Variants in HIVEP3 observed in about 807,000 individuals in gnomAD.
HIVEP3 encodes HIVEP zinc finger 3.
Under a neutral mutation model 152.8 loss-of-function variants are expected in HIVEP3, and 49 were observed. That is an observed-to-expected ratio of 0.32 (90% CI 0.26 to 0.41). The LOEUF (loss-of-function observed/expected upper bound fraction) is 0.41. HIVEP3 is among the 10% of genes least tolerant of loss of function. The pLI is 1.00. For missense variants in HIVEP3, 2,790 were observed against 3,103.3 expected, an observed-to-expected ratio of 0.90 and a Z score of 2.40; for synonymous variants, 1,269 against 1,289.0, an observed-to-expected ratio of 0.98 and a Z score of 0.33.
At chr1:41,924,721 A>G (rs1291292864) in intron 1 of HIVEP3, among the ~76,000 whole-genome samples, 3 of 152,206 alleles carry the variant, frequency 2.0e-5, no homozygotes, top group Non-Finnish European at 2.9e-5. Flanking sequence ...TAAAGGTTCC[A>G]TAAATGATAA....
At chr1:41,877,512 G>T (rs1644189542) in intron 1 of HIVEP3, among the ~76,000 whole-genome samples, 2 of 152,142 alleles carry the variant, frequency 1.3e-5, no homozygotes, top group South Asian at 4.1e-4. Context: ...GATTGTATTT[G>T]CAGAGTCACT....
intron 4 of HIVEP3, among the ~76,000 whole-genome samples, chr1:41,578,747 T>G (rs1195794154): frequency 6.6e-6 from 1 of 152,226 alleles, no homozygotes; most frequent in Non-Finnish European, 1.5e-5. Flanking sequence ...GTTCAACATT[T>G]GCCAGATTAT....
At chr1:41,748,485 G>A (rs1647106252) in intron 1 of HIVEP3, among the ~76,000 whole-genome samples, 1 of 152,200 alleles carries the variant, frequency 6.6e-6, no homozygotes, top group Non-Finnish European at 1.5e-5. Flanking sequence ...AAAGCAATCA[G>A]GGGGCAGCGC....
chr1:41,549,119 C>A (rs893659551), intron 5 of HIVEP3, among the ~76,000 whole-genome samples: 1 of 151,394 alleles, frequency 6.6e-6, no homozygotes, highest in East Asian at 2.0e-4. Context: ...TGAGAACATG[C>A]GGTATTTCGT....
In HIVEP3 at chr1:41,680,200, C is replaced by A. The variant is rs1307536170; in HGVS notation, c.-721+20716G>T. ...TTTCTCTACAGGTCACGTTGGCAAC[C>A]AGGCCTGACATTGGGCCACTCCTCT... is the stretch of plus-strand genomic sequence containing the variant. On this transcript the variant is annotated intron_variant, in intron 2 of 8. Coordinates refer to ENST00000372583, the MANE Select transcript of HIVEP3 (RefSeq NM_024503.5). Among the ~76,000 whole-genome samples the A allele has an allele frequency of 4.6e-5, 7 of 152,184 alleles. No homozygotes were observed. The East Asian group carries it at 1.3e-3, about 29-fold the overall frequency.
intron 5 of HIVEP3, among the ~76,000 whole-genome samples, chr1:41,560,074 C>T (rs1644035079): frequency 6.6e-6 from 1 of 152,172 alleles, no homozygotes; most frequent in Non-Finnish European, 1.5e-5. Context: ...CAGGGGGTGG[C>T]ACTATCCGGA....
In HIVEP3 at chr1:41,657,869, G is replaced by T. The variant is rs1313492243; in HGVS notation, c.-720-28922C>A. Among the ~76,000 whole-genome samples the T allele has an allele frequency of 2.0e-5, 3 of 152,320 alleles. No homozygotes were observed. The East Asian group carries it at 5.8e-4, about 29-fold the overall frequency. ...GTCGGAGCCACAGCCAAGGACAGAT[G>T]GAAATGGGAGGCAGATGGAAGGCCT... On this transcript the variant is annotated intron_variant, in intron 2 of 8. Transcript: ENST00000372583.
intron 1 of HIVEP3, among the ~76,000 whole-genome samples, chr1:41,837,667 T>C (rs1643165471): frequency 6.6e-6 from 1 of 152,202 alleles, no homozygotes; most frequent in Admixed American, 6.5e-5. Flanking sequence ...GCACCGGACA[T>C]TGCCCTGTTC....
intron 1 of HIVEP3, among the ~76,000 whole-genome samples, chr1:41,765,050 C>A (rs1415531384): frequency 6.6e-6 from 1 of 152,238 alleles, no homozygotes; most frequent in Non-Finnish European, 1.5e-5. Context: ...GAGTGCACAG[C>A]ACCATGAATT....
chr1:41,947,302 C>T (rs1211463411), intron 1 of HIVEP3, among the ~76,000 whole-genome samples: 2 of 152,218 alleles, frequency 1.3e-5, no homozygotes, highest in African/African-American at 2.4e-5. Context: ...AATTTCCTCG[C>T]CACCTGTGGC....
chr1:41,646,766 C>T (rs181263176), intron 2 of HIVEP3, among the ~76,000 whole-genome samples: 1 of 152,326 alleles, frequency 6.6e-6, no homozygotes, highest in South Asian at 2.1e-4. Context: ...GCTTCTGTAA[C>T]AAATTATCAC....
intron 1 of HIVEP3, among the ~76,000 whole-genome samples, chr1:42,005,479 G>C (rs1347859630): frequency 6.6e-6 from 1 of 151,924 alleles, no homozygotes; most frequent in African/African-American, 2.4e-5. Flanking sequence ...AAATGAGTCA[G>C]GCAAATTCCA....
At chr1:41,897,805 C>T (rs914682367) in intron 1 of HIVEP3, among the ~76,000 whole-genome samples, 1 of 152,014 alleles carries the variant, frequency 6.6e-6, no homozygotes, top group African/African-American at 2.4e-5. Flanking sequence ...GAATCTTTGT[C>T]AGGCCCCAGA....
At chr1:41,751,392 T>G (rs913479708) in intron 1 of HIVEP3, among the ~76,000 whole-genome samples, 18 of 139,510 alleles carry the variant, frequency 1.3e-4, no homozygotes, top group Admixed American at 1.2e-3. Context: ...CCTGCTAAAT[T>G]TAGCAGATGC....
intron 1 of HIVEP3, among the ~76,000 whole-genome samples, chr1:42,003,179 G>A (rs1311085026): frequency 5.9e-5 from 9 of 151,940 alleles, no homozygotes; most frequent in South Asian, 2.1e-4. Context: ...AGGTTCAAGC[G>A]ATTCTTCTTG....
chr1:41,974,891 C>G (rs747028781), intron 1 of HIVEP3, among the ~76,000 whole-genome samples: 1 of 152,090 alleles, frequency 6.6e-6, no homozygotes, highest in Non-Finnish European at 1.5e-5. Flanking sequence ...TGGTGCATGG[C>G]CATTATCTCC....
At chr1:41,635,987 A>G (rs1645267838) in intron 2 of HIVEP3, among the ~76,000 whole-genome samples, 1 of 152,244 alleles carries the variant, frequency 6.6e-6, no homozygotes, top group South Asian at 2.1e-4. Context: ...CAGAGAAAGA[A>G]TGGATTATTT....
chr1:41,625,443 T>C (rs1645103960), intron 3 of HIVEP3, among the ~76,000 whole-genome samples: 1 of 152,252 alleles, frequency 6.6e-6, no homozygotes, highest in Non-Finnish European at 1.5e-5. Flanking sequence ...GGCAGCAGCC[T>C]GGATTAGGCC....
intron 3 of HIVEP3, among the ~76,000 whole-genome samples, chr1:41,607,158 C>A (rs1414801251): frequency 6.6e-6 from 1 of 152,050 alleles, no homozygotes; most frequent in Admixed American, 6.6e-5. Flanking sequence ...ATTTCTTTGG[C>A]TATATCTTTC....
Sources: gnomAD v4.1 joint callset for allele counts (sites outside exome capture counted in the v4.1 genomes callset) on GRCh38, gnomAD v4.1.1 for gene constraint, MANE v1.5 for transcripts, NCBI Gene and HGNC (gene_info 2026-07-23, HGNC 2026-07-21) for gene names.